ESR1: variants seen among roughly 807,000 people sequenced by gnomAD.
ESR1 encodes estrogen receptor.
A neutral mutation model predicts 52.7 loss-of-function variants in ESR1; 12 were observed. The ratio of observed to expected loss-of-function variants is 0.23; its 90% CI spans 0.15 to 0.37. The LOEUF (loss-of-function observed/expected upper bound fraction) is 0.37, where lower values mean the gene tolerates loss of function less well. Ranked by LOEUF, ESR1 falls within the 10% of genes least tolerant of loss-of-function variation. The probability of loss-of-function intolerance (pLI) is 1.00; values close to 1 mark genes in which losing one functional copy is unlikely to be tolerated. For missense variants in ESR1, 584 were observed against 779.7 expected (o/e 0.75, Z 2.99); for synonymous variants, 305 against 316.8 (o/e 0.96, Z 0.39).
At position 151,943,390 on chromosome 6, in the gene ESR1, C is replaced by CA. The variant is rs202199134; in HGVS notation, c.761-774dup. Among the ~76,000 whole-genome samples the CA allele has an allele frequency of 8.1e-3, 1,130 of 138,922 alleles. 10 individuals are homozygous for CA. The highest frequency in any genetic ancestry group is 0.018 in the African/African-American group (661 of 35,832). 91.1% of individuals were successfully genotyped at this position (138,922 alleles called of 152,430 possible). ...GCGAGACTCCATCTTAAAAAAAAAA[C>CA]AAAAAAAAACAAAAACAAAAAAAAA... On this transcript the variant is annotated intron_variant, in intron 3 of 7. Transcript: ENST00000206249.
chr6:151,656,787 T>C (rs1236985913), intron 1 of ESR1: 1 of 152,194 alleles, frequency 6.6e-6, no homozygotes, highest in Admixed American at 6.5e-5. Flanking sequence ...TTTTCTACTC[T>C]ATTAACTTTC....
chr6:151,658,284 G>T (rs936778084), intron 1 of ESR1, among the ~76,000 whole-genome samples: 8 of 152,112 alleles, frequency 5.3e-5, no homozygotes, highest in African/African-American at 1.9e-4. Flanking sequence ...GACCTTTTCC[G>T]TATCTCTAAA....
chr6:151,829,679 C>T (rs1012529060), intron 1 of ESR1, among the ~76,000 whole-genome samples: 2 of 152,156 alleles, frequency 1.3e-5, no homozygotes, highest in Non-Finnish European at 2.9e-5. Flanking sequence ...TATTGTTGGT[C>T]GGAGGCAAGG....
At chr6:151,968,031 GT>G (rs534062585) in intron 4 of ESR1, among the ~76,000 whole-genome samples, 1 of 150,548 alleles carries the variant, frequency 6.6e-6, no homozygotes, top group Non-Finnish European at 1.5e-5. Context: ...TGATGGGGTT[GT>G]TTTTTTTTCT....
downstream of ESR1, among the ~76,000 whole-genome samples, chr6:152,105,748 T>C (rs1243148259): frequency 1.3e-5 from 2 of 151,452 alleles, no homozygotes; most frequent in Non-Finnish European, 2.9e-5. Flanking sequence ...TTTTGAATTA[T>C]TTTCTTAGTG....
intron 2 of ESR1, among the ~76,000 whole-genome samples, chr6:151,713,045 G>A (rs1780744581): frequency 6.6e-6 from 1 of 152,138 alleles, no homozygotes; most frequent in African/African-American, 2.4e-5. Context: ...TTTTTAGCAC[G>A]AAGGGGTGTT....
At chr6:151,683,076 C>A (rs9479098) in intron 1 of ESR1, among the ~76,000 whole-genome samples, 14,414 of 152,208 alleles carry the variant, frequency 0.095, 935 homozygotes, top group East Asian at 0.37. Flanking sequence ...TGGTCTTATC[C>A]TCTTATCTTC....
chr6:151,675,053 A>G (rs1778205244), intron 1 of ESR1, among the ~76,000 whole-genome samples: 1 of 152,240 alleles, frequency 6.6e-6, no homozygotes, highest in South Asian at 2.1e-4. Flanking sequence ...TTAAAAATAT[A>G]TAATATGGAG....
chr6:152,099,082 T>C lies in ESR1; in HGVS notation c.*116T>C, dbSNP rs1316050481. Reference sequence around the variant, plus strand: ...CACTCCGGCATGCATCCAACACCAATGGCTTTCTAGATGAGTGGCCATTCA... The same window carrying C: ...CACTCCGGCATGCATCCAACACCAACGGCTTTCTAGATGAGTGGCCATTCA... On this transcript the variant is annotated 3_prime_UTR_variant, in exon 8 of 8. Coordinates refer to ENST00000206249, the MANE Select transcript of ESR1 (RefSeq NM_000125.4). 2 of 791,646 alleles carry C rather than the reference T, an allele frequency of 2.5e-6. No homozygotes were observed. The highest frequency in any genetic ancestry group is 4.3e-6 in the Non-Finnish European group (2 of 468,380). 49.0% of individuals were successfully genotyped at this position (791,646 alleles called of 1,614,324 possible).
At chr6:152,062,659 G>A (rs1309858357) in intron 6 of ESR1, among the ~76,000 whole-genome samples, 1 of 152,140 alleles carries the variant, frequency 6.6e-6, no homozygotes, top group Non-Finnish European at 1.5e-5. Context: ...GCTACATGGT[G>A]CCAGGTCCTG....
In ESR1 at chr6:151,709,681, TGTG is replaced by T. The variant is rs544410023; in HGVS notation, c.-71+7679_-71+7681del. ...TAACAGGTGTGAGATGATATCTCTT[TGTG>T]GTTTTAATTTCCATTTTCTGATGAT... On this transcript the variant is annotated intron_variant, in intron 2 of 2. Transcript: ENST00000404742. Among the ~76,000 whole-genome samples the T allele has an allele frequency of 2.8e-3, 419 of 152,292 alleles. 4 individuals are homozygous for T. The highest frequency in any genetic ancestry group is 0.018 in the South Asian group (85 of 4,830).
intron 2 of ESR1, among the ~76,000 whole-genome samples, chr6:151,764,493 G>A (rs992372418): frequency 6.6e-6 from 1 of 152,116 alleles, no homozygotes; most frequent in African/African-American, 2.4e-5. Context: ...ACGGCCAGTG[G>A]GGGGCTGCTG....
At chr6:152,091,547 A>G (rs556563761) in intron 6 of ESR1, among the ~76,000 whole-genome samples, 2 of 152,332 alleles carry the variant, frequency 1.3e-5, no homozygotes, top group Non-Finnish European at 1.5e-5. Flanking sequence ...ATAGTTATGC[A>G]CACACTAGGT....
intron 6 of ESR1, among the ~76,000 whole-genome samples, chr6:152,090,986 G>A (rs2050136023): frequency 6.6e-6 from 1 of 152,142 alleles, no homozygotes; most frequent in Non-Finnish European, 1.5e-5. Flanking sequence ...TTTGGGATTT[G>A]GAGCAATCTC....
At chr6:151,976,852 G>T (rs1411465282) in intron 4 of ESR1, among the ~76,000 whole-genome samples, 4 of 151,746 alleles carry the variant, frequency 2.6e-5, no homozygotes. Flanking sequence ...TCACAGAATT[G>T]CTATACATAT....
chr6:151,698,509 C>A (rs1779536636), intron 1 of ESR1, among the ~76,000 whole-genome samples: 1 of 152,136 alleles, frequency 6.6e-6, no homozygotes, highest in Non-Finnish European at 1.5e-5. Context: ...AAACTGTGAT[C>A]TCTCCTGCAG....
At chr6:151,751,965 T>C (rs1783936652) in intron 2 of ESR1, among the ~76,000 whole-genome samples, 1 of 152,234 alleles carries the variant, frequency 6.6e-6, no homozygotes. Context: ...CCGCATTTTC[T>C]TGCAGAGACC....
chr6:151,790,751 C>T (rs532293097), intron 2 of ESR1, among the ~76,000 whole-genome samples: 1 of 152,080 alleles, frequency 6.6e-6, no homozygotes, highest in South Asian at 2.1e-4. Context: ...CTTTTTTAAC[C>T]CTTGCCCAGC....
chr6:151,952,637 C>T (rs775011987), intron 4 of ESR1, among the ~76,000 whole-genome samples: 6 of 152,240 alleles, frequency 3.9e-5, no homozygotes, highest in Non-Finnish European at 7.3e-5. Flanking sequence ...AGGACTGAAT[C>T]AACTGTGGTC....
Sources: allele counts gnomAD v4.1 joint callset (sites outside exome capture counted in the v4.1 genomes callset), GRCh38; gene constraint gnomAD v4.1.1; transcripts MANE v1.5; gene names NCBI Gene and HGNC (gene_info 2026-07-23, HGNC 2026-07-21).